Variants in CENPF observed in about 807,000 individuals in gnomAD.
CENPF encodes the protein centromere protein F.
Under a neutral mutation model 307.3 loss-of-function variants are expected in CENPF, and 214 were observed. The observed-to-expected ratio is 0.70, with a 90% CI of 0.62 to 0.78. CENPF has a LOEUF of 0.78. CENPF is among the 30% of genes least tolerant of loss of function. CENPF has a pLI of 0.00. For synonymous variants in CENPF, 1,259 were observed against 1,270.6 expected (o/e 0.99, Z 0.19); for missense variants, 3,401 against 3,483.9 (o/e 0.98, Z 0.60).
At chr1:214,607,546 C>A (rs1349572735) in intron 1 of CENPF, among the ~76,000 whole-genome samples, 1 of 152,176 alleles carries the variant, frequency 6.6e-6, no homozygotes, top group Admixed American at 6.5e-5. Flanking sequence ...ACGAGGACCC[C>A]ACCTCCCCAG....
Position 214,657,036 on chromosome 1 carries a change from G to T in CENPF, c.8589G>T (p.Lys2863Asn). The T allele has an allele frequency of 6.2e-7, 1 of 1,614,096 alleles. No homozygotes were observed. The change falls in exon 18 of 20, where the codon AAG becomes AAT. Residue 2863 changes from lysine (K) to asparagine (N), a missense_variant. Lys to Asn is a moderately conservative substitution (Grantham distance 94, BLOSUM62 0). Transcript: ENST00000366955. ...KTKEADEYLD[K>N]YCSLLISHEK... ...AGGAGGCAGATGAATACTTGGATAAGTACTGTTCCTTGCTTATAAGCCATG... is the reference window on the plus strand; with the variant it reads ...AGGAGGCAGATGAATACTTGGATAATTACTGTTCCTTGCTTATAAGCCATG...
At chr1:214,655,698 C>T (rs1362199390) in intron 17 of CENPF, among the ~76,000 whole-genome samples, 1 of 152,092 alleles carries the variant, frequency 6.6e-6, no homozygotes, top group Non-Finnish European at 1.5e-5. Flanking sequence ...CAAAGCGATC[C>T]TCCCACCTCA....
At chr1:214,638,175 G>T (rs1658013922) in intron 11 of CENPF, among the ~76,000 whole-genome samples, 174 bp downstream of exon 11, 1 of 152,096 alleles carries the variant, frequency 6.6e-6, no homozygotes. Flanking sequence ...TTAGTTTCCA[G>T]AGTGAGAGTG....
chr1:214,618,467 G>A (rs1657416709), intron 3 of CENPF, 106 bp from the exon 4 acceptor site: 6 of 1,312,504 alleles, frequency 4.6e-6, no homozygotes, highest in South Asian at 1.5e-5. Flanking sequence ...ATTCTTAGTG[G>A]ATGGGTTTCT....
chr1:214,620,739 C>T lies in CENPF; in HGVS notation c.658C>T (p.Gln220Ter), dbSNP rs1280559692. The change falls in exon 6 of 20, where the codon CAG becomes TAG. Residue 220 changes from glutamine (Q) to a stop codon, truncating the protein, a stop_gained. Coordinates refer to ENST00000366955, the MANE Select transcript of CENPF (RefSeq NM_016343.4). LOFTEE classifies it high-confidence loss of function. ...HQASSSVFSW[Q>*]QEKTPSHLSS... ...GGCTTCATCATCTGTGTTCTCATGG[C>T]AGCAAGAGAAGACCCCAAGTCATCT... 6.8e-6 allele frequency: 11 copies of T among 1,613,932 alleles called. No individual in the cohort carries two copies. Among genetic ancestry groups the T allele is most frequent in the Non-Finnish European group, 9.3e-6 (11 of 1,179,918 alleles).
chr1:214,657,353 A>C lies in CENPF; in HGVS notation c.8906A>C (p.Glu2969Ala), dbSNP rs747756464. The C allele has an allele frequency of 6.2e-7, 1 of 1,612,708 alleles. No individual in the cohort carries two copies. Among genetic ancestry groups the C allele is most frequent in the Non-Finnish European group, 8.5e-7 (1 of 1,180,022 alleles). Residue 2969 changes from glutamate (E) to alanine (A), a missense_variant, in exon 18 of 20, where the codon GAA (glutamate) becomes GCA (alanine). Physicochemically the swap from Glu to Ala is moderately radical, Grantham distance 107. Coordinates refer to ENST00000366955, the MANE Select transcript of CENPF (RefSeq NM_016343.4). ...GTCATGAGTGGTATTCACCCTGCAG[A>C]AGACACGGAAGGTACTGAGTTTGAG... ...KAVMSGIHPA[E>A]DTEGTEFEPE...
chr1:214,614,874 A>T lies in CENPF; in HGVS notation c.205A>T (p.Asn69Tyr). The part of the protein sequence containing the change: ...KTEGTNLKRE[N>Y]QRLMEICESL... ...CGAGGGTACAAACCTGAAAAGGGAG[A>T]ATCAAAGATTGATGGAAATATGTGA... Residue 69 changes from asparagine to tyrosine, a missense_variant, in exon 3 of 20, where the codon AAT (asparagine) becomes TAT (tyrosine). Transcript: ENST00000366955. The T allele has an allele frequency of 1.9e-6, 3 of 1,604,404 alleles. No individual in the cohort carries two copies. Among genetic ancestry groups the T allele is most frequent in the Non-Finnish European group, 8.5e-7 (1 of 1,176,758 alleles).
chr1:214,628,907 T>G, intron 7 of CENPF, 139 bp from the exon 8 acceptor site: 2 of 581,040 alleles, frequency 3.4e-6, no homozygotes, highest in East Asian at 6.6e-5. Flanking sequence ...AGTGGGCTAA[T>G]GCTTTACATC....
chr1:214,609,770 GT>G (rs1657151095), intron 1 of CENPF, among the ~76,000 whole-genome samples: 1 of 152,044 alleles, frequency 6.6e-6, no homozygotes. Context: ...CTCAGTGTCT[GT>G]TGTTCCCTTC....
intron 3 of CENPF, among the ~76,000 whole-genome samples, chr1:214,616,877 C>G (rs907275678): frequency 9.8e-6 from 1 of 102,306 alleles, no homozygotes; most frequent in Admixed American, 1.1e-4. Flanking sequence ...TTCTTTCTTT[C>G]TTTCTTTCTT....
chr1:214,632,715 T>A, intron 10 of CENPF, 113 bp downstream of exon 10: 1 of 1,246,668 alleles, frequency 8.0e-7, no homozygotes, highest in Non-Finnish European at 1.1e-6. Flanking sequence ...TGCCTTTTTC[T>A]TTTCTATTCA....
At chr1:214,655,492 A>G in intron 17 of CENPF, 89 bp downstream of exon 17, 2 of 1,126,842 alleles carry the variant, frequency 1.8e-6, no homozygotes, top group South Asian at 4.8e-5. Context: ...AACTATTTTT[A>G]GTGCTGTGTT....
At chr1:214,604,986 T>G (rs1423170095) in intron 1 of CENPF, among the ~76,000 whole-genome samples, 1 of 152,222 alleles carries the variant, frequency 6.6e-6, no homozygotes, top group Non-Finnish European at 1.5e-5. Context: ...ATTGTTTTGA[T>G]AAAAAGTTTC....
At chr1:214,626,804 T>C (rs116490756) in intron 7 of CENPF, among the ~76,000 whole-genome samples, 3,107 of 152,288 alleles carry the variant, frequency 0.02, 46 homozygotes, top group African/African-American at 0.043. Context: ...ATATTAGCTG[T>C]TATTATCATG....
chr1:214,605,603 C>A, intron 1 of CENPF: 1 of 1,334,558 alleles, frequency 7.5e-7, no homozygotes, highest in Non-Finnish European at 1.0e-6. Context: ...CACATGCAGC[C>A]CCTGGGGGGC....
rs1291411780 is a variant in CENPF, at chr1:214,652,918, T to A, written c.8251T>A (p.Ser2751Thr). 3.1e-6 allele frequency: 5 copies of A among 1,608,458 alleles called. No individual in the cohort carries two copies. In the African/African-American group the frequency reaches 4.0e-5, roughly 13 times the overall value. The change falls in exon 16 of 20, where the codon TCT becomes ACT. Residue 2751 changes from serine (S) to threonine (T), a missense_variant. Physicochemically the swap from Ser to Thr is moderately conservative, Grantham distance 58 (BLOSUM62 1). Transcript: ENST00000366955. ...GAAGCTGGAGATAGACCTTTTAAAG[T>A]CTAGTAAAGAAGAGCTCAATAATTC... ...SQKLEIDLLK[S>T]SKEELNNSLK...
chr1:214,642,446 G>T lies in CENPF; in HGVS notation c.4108G>T (p.Gly1370Cys). ...GGAAGACATACCAGGAGGTGAATTT[G>T]GTGAACAACCAAATGAACAGCACCC... ...LVEDIPGGEF[G>C]EQPNEQHPVS... is the part of the protein sequence containing the mutation. Residue 1370 changes from glycine (G) to cysteine (C), a missense_variant, in exon 12 of 20, where the codon GGT (glycine) becomes TGT (cysteine). Coordinates refer to ENST00000366955, the MANE Select transcript of CENPF (RefSeq NM_016343.4). 6.3e-7 allele frequency: 1 copy of T among 1,596,166 alleles called. No individual in the cohort carries two copies. The highest frequency in any genetic ancestry group is 8.5e-7 in the Non-Finnish European group (1 of 1,171,342).
chr1:214,644,862 G>T lies in CENPF; in HGVS notation c.5292G>T (p.Gly1764=). Residue 1764 remains glycine (G), a synonymous_variant, in exon 13 of 20, where the codon GGG becomes GGT. Coordinates refer to ENST00000366955, the MANE Select transcript of CENPF (RefSeq NM_016343.4). ...PNALVPMDFL[G]NQEDIHNLQL... is the part of the protein sequence containing the mutation. ...CTTTGGTACCTATGGATTTCCTGGG[G>T]AATCAGGAAGATATCCATAATCTTC... 6.2e-7 allele frequency: 1 copy of T among 1,613,986 alleles called. No homozygotes were observed.
In CENPF at chr1:214,646,618, A is replaced by G. The variant is rs1355387450; in HGVS notation, c.7048A>G (p.Thr2350Ala). Reference protein sequence around the residue: ...NLERELEIARTNQEHAALEAE... With the variant: ...NLERELEIARANQEHAALEAE... ...TGAAAGAGAGCTAGAGATAGCCAGG[A>G]CAAACCAAGAGCATGCAGCTCTTGA... The change falls in exon 13 of 20, where the codon ACA becomes GCA. Residue 2350 changes from threonine (T) to alanine (A), a missense_variant. Physicochemically the swap from Thr to Ala is moderately conservative, Grantham distance 58. Coordinates refer to ENST00000366955, the MANE Select transcript of CENPF (RefSeq NM_016343.4). 3 of 1,614,106 alleles carry G rather than the reference A, an allele frequency of 1.9e-6. No homozygotes were observed. The South Asian group carries it at 3.3e-5, about 18-fold the overall frequency.
Sources: allele counts gnomAD v4.1 joint callset (sites outside exome capture counted in the v4.1 genomes callset), GRCh38; gene constraint gnomAD v4.1.1; transcripts MANE v1.5; gene names NCBI Gene and HGNC (gene_info 2026-07-23, HGNC 2026-07-21).